The following GHR variants were observed in gnomAD, a reference collection of about 807,000 sequenced individuals.
GHR encodes the protein growth hormone receptor, also known as GH receptor.
A neutral mutation model predicts 67.1 loss-of-function variants in GHR; 35 were observed. The ratio of observed to expected loss-of-function variants is 0.52; its 90% CI spans 0.40 to 0.69. The LOEUF (loss-of-function observed/expected upper bound fraction) is 0.69, where lower values mean the gene tolerates loss of function less well. Ranked by LOEUF, GHR falls within the 30% of genes least tolerant of loss-of-function variation. The pLI is 0.00. For synonymous variants in GHR, 272 were observed against 269.1 expected (o/e 1.01, Z -0.10); for missense variants, 792 against 764.6 (o/e 1.04, Z -0.42).
intron 1 of GHR, chr5:42,548,580 AG>A (rs1382628924): frequency 1.2e-6 from 1 of 802,148 alleles, no homozygotes; most frequent in African/African-American, 1.9e-5. Context: ...GCTGATAGTC[AG>A]GGTTTTTTTT....
At chr5:42,593,669 C>T (rs889240979) in intron 2 of GHR, among the ~76,000 whole-genome samples, 9 of 152,126 alleles carry the variant, frequency 5.9e-5, no homozygotes, top group Admixed American at 5.9e-4. Context: ...TGGAGTGAGG[C>T]CCTGAGAGAT....
At chr5:42,637,588 G>C (rs1171607403) in intron 3 of GHR, among the ~76,000 whole-genome samples, 1 of 152,076 alleles carries the variant, frequency 6.6e-6, no homozygotes, top group Non-Finnish European at 1.5e-5. Context: ...ATTCACTTAT[G>C]ATGATGACTT....
At chr5:42,713,660 A>G (rs895272133) in intron 8 of GHR, 141 bp downstream of exon 8, 65 of 647,948 alleles carry the variant, frequency 1.0e-4, no homozygotes, top group Non-Finnish European at 1.4e-4. Flanking sequence ...ATCTCCAGTT[A>G]TATATTTACC....
intron 3 of GHR, among the ~76,000 whole-genome samples, chr5:42,665,601 G>A (rs1252791611): frequency 6.6e-6 from 1 of 151,932 alleles, no homozygotes; most frequent in African/African-American, 2.4e-5. Flanking sequence ...TGTTGTGGGG[G>A]TGGAGGAGGG....
chr5:42,634,313 C>T (rs531890783), intron 3 of GHR, among the ~76,000 whole-genome samples: 2 of 152,070 alleles, frequency 1.3e-5, no homozygotes, highest in South Asian at 2.1e-4. Context: ...TAAATTGAAC[C>T]GTATGAAATT....
intron 1 of GHR, among the ~76,000 whole-genome samples, chr5:42,563,474 C>T (rs1489984415): frequency 1.3e-5 from 2 of 151,898 alleles, no homozygotes; most frequent in Admixed American, 6.5e-5. Flanking sequence ...AAAAATTAGC[C>T]GGGCGCGGTG....
chr5:42,466,723 T>A (rs182326421), intron 1 of GHR, among the ~76,000 whole-genome samples: 5 of 152,248 alleles, frequency 3.3e-5, no homozygotes, highest in Non-Finnish European at 7.3e-5. Context: ...TTAAATTAAC[T>A]GCTGAAATGT....
chr5:42,681,737 C>A (rs1202355701), intron 3 of GHR, among the ~76,000 whole-genome samples: 1 of 152,000 alleles, frequency 6.6e-6, no homozygotes, highest in East Asian at 1.9e-4. Context: ...GAGATCGAGA[C>A]CATCCTGGCT....
chr5:42,425,176 C>A (rs1265097046), intron 1 of GHR: 2 of 218,682 alleles, frequency 9.1e-6, no homozygotes, highest in Non-Finnish European at 1.6e-5. Context: ...CTCAGGAGAA[C>A]TGCATGGGAG....
At chr5:42,641,835 A>T (rs975293879) in intron 3 of GHR, among the ~76,000 whole-genome samples, 2 of 152,178 alleles carry the variant, frequency 1.3e-5, no homozygotes, top group Admixed American at 1.3e-4. Context: ...AGAAAACCAG[A>T]GGAATATACA....
chr5:42,431,628 G>C (rs1426436569), intron 1 of GHR, among the ~76,000 whole-genome samples: 2 of 152,172 alleles, frequency 1.3e-5, no homozygotes, highest in African/African-American at 2.4e-5. Context: ...TTACTGTTTT[G>C]ATTAGGGCTT....
chr5:42,678,768 G>C (rs997917206), intron 3 of GHR, among the ~76,000 whole-genome samples: 1 of 151,730 alleles, frequency 6.6e-6, no homozygotes, highest in African/African-American at 2.4e-5. Flanking sequence ...CAAACTGAAA[G>C]TAGTGACCTG....
chr5:42,485,140 C>A (rs1745821051), intron 1 of GHR, among the ~76,000 whole-genome samples: 1 of 152,150 alleles, frequency 6.6e-6, no homozygotes, highest in Non-Finnish European at 1.5e-5. Context: ...AAAAATCGAT[C>A]TGAGAGCTAA....
At chr5:42,639,444 CTT>C (rs2112783282) in intron 3 of GHR, among the ~76,000 whole-genome samples, 1 of 152,228 alleles carries the variant, frequency 6.6e-6, no homozygotes, top group Admixed American at 6.5e-5. Flanking sequence ...CGCAGGTTAT[CTT>C]TTTATTTTTA....
At chr5:42,595,415 C>G (rs1366314141) in intron 2 of GHR, among the ~76,000 whole-genome samples, 1 of 152,156 alleles carries the variant, frequency 6.6e-6, no homozygotes, top group African/African-American at 2.4e-5. Flanking sequence ...TTCTGATCTC[C>G]TTTGGCCACC....
At position 42,468,390 on chromosome 5, in the gene GHR, G is replaced by A. The variant is rs183620287; in HGVS notation, c.-12+44435G>A. On this transcript the variant is annotated intron_variant, in intron 1 of 9. Coordinates refer to ENST00000230882, the MANE Select transcript of GHR (RefSeq NM_000163.5). ...CCAGCACAGGTCAAACCCCATCTAAGCTTTATGTTTCAAAAGCTTCTTCTT... is the reference window on the plus strand; with the variant it reads ...CCAGCACAGGTCAAACCCCATCTAAACTTTATGTTTCAAAAGCTTCTTCTT... 2,874 of 1,238,040 alleles carry A rather than the reference G, an allele frequency of 2.3e-3. 11 individuals carry two copies. The highest frequency in any genetic ancestry group is 0.014 in the Middle Eastern group (47 of 3,474). The allele number at this position is 1,238,040 out of a possible 1,614,324, so 76.7% of individuals were successfully genotyped here.
At chr5:42,646,373 A>G (rs985814170) in intron 3 of GHR, 3 of 454,752 alleles carry the variant, frequency 6.6e-6, no homozygotes, top group Admixed American at 2.4e-5. Flanking sequence ...GGTGGGTTTC[A>G]GTCTGGCTCA....
chr5:42,468,367 A>G lies in GHR; in HGVS notation c.-12+44412A>G, dbSNP rs1252711854. On this transcript the variant is annotated intron_variant, in intron 1 of 9. Transcript: ENST00000230882. ...GAACGCCTATAGCTGGGAGCTGCCC[A>G]GCACAGGTCAAACCCCATCTAAGCT... 3 of 1,400,170 alleles carry G rather than the reference A, an allele frequency of 2.1e-6. No individual in the cohort carries two copies. The East Asian group carries it at 6.9e-5, about 32-fold the overall frequency. 86.7% of individuals were successfully genotyped at this position (1,400,170 alleles called of 1,614,324 possible).
chr5:42,718,533 G>C lies in GHR; in HGVS notation c.1026G>C (p.Trp342Cys), dbSNP rs1006245922. 5.0e-6 allele frequency: 8 copies of C among 1,613,714 alleles called. No individual in the cohort carries two copies. The highest frequency in any genetic ancestry group is 5.9e-6 in the Non-Finnish European group (7 of 1,179,668). Reference sequence around the variant, plus strand: ...CCGAATTCCACAGTGATGACTCTTGGGTTGAATTTATTGAGCTAGATATTG... The same window carrying C: ...CCGAATTCCACAGTGATGACTCTTGCGTTGAATTTATTGAGCTAGATATTG... ...YKPEFHSDDS[W>C]VEFIELDIDE... The change falls in exon 10 of 10, where the codon TGG (tryptophan) becomes TGC (cysteine). Residue 342 changes from tryptophan (W) to cysteine (C), a missense_variant. Transcript: ENST00000230882.
Sources: allele counts gnomAD v4.1 joint callset (sites outside exome capture counted in the v4.1 genomes callset), GRCh38; gene constraint gnomAD v4.1.1; transcripts MANE v1.5; gene names NCBI Gene and HGNC (gene_info 2026-07-23, HGNC 2026-07-21).